Variants in TBCK observed in about 807,000 individuals in gnomAD.
TBCK encodes the protein TBC1 domain containing kinase, also known as TBC domain-containing protein kinase-like protein.
Under a neutral mutation model 113.4 loss-of-function variants are expected in TBCK, and 99 were observed. The ratio of observed to expected loss-of-function variants is 0.87; its 90% CI spans 0.74 to 1.03. TBCK has a LOEUF of 1.03. Among genes scored for constraint, TBCK ranks in the 50% least tolerant of loss-of-function variants. TBCK has a pLI of 0.00. For synonymous variants in TBCK, 369 were observed against 370.8 expected, an observed-to-expected ratio of 1.00 and a Z score of 0.05; for missense variants, 1,045 against 1,061.3, an observed-to-expected ratio of 0.98 and a Z score of 0.21.
At chr4:106,153,734 T>C (rs1748795560) in intron 23 of TBCK, among the ~76,000 whole-genome samples, 1 of 152,126 alleles carries the variant, frequency 6.6e-6, no homozygotes, top group Admixed American at 6.6e-5. Context: ...GGTACTCCAG[T>C]ACTGAATTCA....
chr4:106,170,775 T>G (rs1750894432), intron 23 of TBCK, among the ~76,000 whole-genome samples: 1 of 152,002 alleles, frequency 6.6e-6, no homozygotes, highest in Non-Finnish European at 1.5e-5. Flanking sequence ...ACAACTCTTT[T>G]TCTATTTTTT....
chr4:106,224,673 A>AGT (rs1313801331), intron 19 of TBCK, among the ~76,000 whole-genome samples: 4 of 152,162 alleles, frequency 2.6e-5, no homozygotes, highest in African/African-American at 9.6e-5. Context: ...ACCAATATAC[A>AGT]GTGTACTGTT....
At chr4:106,250,726 T>TGTAA (rs1037561032) in intron 6 of TBCK, among the ~76,000 whole-genome samples, 3 of 151,722 alleles carry the variant, frequency 2.0e-5, no homozygotes, top group African/African-American at 7.3e-5. Flanking sequence ...TCTAGTTTGA[T>TGTAA]GTAAGCATTG....
intron 25 of TBCK, among the ~76,000 whole-genome samples, chr4:106,080,823 C>T (rs11932523): frequency 0.39 from 59,672 of 151,656 alleles, 11,979 homozygotes; most frequent in South Asian, 0.47. Flanking sequence ...AAAACAAATT[C>T]ACAATTAAAA....
At chr4:106,113,790 C>A (rs28787305) in intron 24 of TBCK, among the ~76,000 whole-genome samples, 31,010 of 152,140 alleles carry the variant, frequency 0.2, 3,485 homozygotes, top group South Asian at 0.27. Flanking sequence ...GCTTTATTAA[C>A]CTTTTTAATT....
At chr4:106,118,679 G>A (rs796425758) in intron 23 of TBCK, among the ~76,000 whole-genome samples, 16 of 152,288 alleles carry the variant, frequency 1.1e-4, no homozygotes, top group African/African-American at 3.1e-4. Flanking sequence ...TGTGATGAAT[G>A]CGGCATTTCA....
At chr4:106,183,977 A>C (rs534555352) in intron 22 of TBCK, among the ~76,000 whole-genome samples, 1 of 152,162 alleles carries the variant, frequency 6.6e-6, no homozygotes, top group South Asian at 2.1e-4. Flanking sequence ...TTGAGGAAAA[A>C]AAGAGCCATT....
intron 23 of TBCK, among the ~76,000 whole-genome samples, chr4:106,136,303 T>C (rs1031056440): frequency 2.8e-5 from 4 of 141,222 alleles, no homozygotes; most frequent in African/African-American, 7.5e-5. Flanking sequence ...ACTACCTCTC[T>C]ACCTCCTTCT....
intron 23 of TBCK, among the ~76,000 whole-genome samples, chr4:106,127,767 A>G (rs1745400777): frequency 6.6e-6 from 1 of 152,286 alleles, no homozygotes; most frequent in Non-Finnish European, 1.5e-5. Context: ...TTTTCAAATG[A>G]TTACGCTGAA....
At chr4:106,088,863 A>T (rs1281161388) in intron 25 of TBCK, among the ~76,000 whole-genome samples, 1 of 152,166 alleles carries the variant, frequency 6.6e-6, no homozygotes, top group Non-Finnish European at 1.5e-5. Context: ...TCGCTCACAA[A>T]TGCGAGTTGA....
intron 23 of TBCK, among the ~76,000 whole-genome samples, chr4:106,133,837 C>A (rs1746241061): frequency 6.6e-6 from 1 of 152,052 alleles, no homozygotes; most frequent in Non-Finnish European, 1.5e-5. Flanking sequence ...ACATGAAACC[C>A]CATCTCTACC....
At chr4:106,217,899 C>T (rs1256162612) in intron 19 of TBCK, among the ~76,000 whole-genome samples, 1 of 145,576 alleles carries the variant, frequency 6.9e-6, no homozygotes, top group African/African-American at 2.5e-5. Context: ...AAAAAAGAGC[C>T]CGCATCGCCA....
chr4:106,228,770 T>C (rs551918605), intron 19 of TBCK, among the ~76,000 whole-genome samples: 2 of 152,176 alleles, frequency 1.3e-5, no homozygotes, highest in Middle Eastern at 3.4e-3. Flanking sequence ...AGCAGTAGGA[T>C]TGCTGGATCA....
At chr4:106,097,047 CTATT>C (rs1395547214) in intron 24 of TBCK, among the ~76,000 whole-genome samples, 10 of 152,062 alleles carry the variant, frequency 6.6e-5, no homozygotes, top group Non-Finnish European at 2.9e-5. Flanking sequence ...TCGATATCAC[CTATT>C]TATTATGTGC....
intron 3 of TBCK, among the ~76,000 whole-genome samples, chr4:106,274,912 A>G (rs986761635): frequency 6.6e-6 from 1 of 152,182 alleles, no homozygotes; most frequent in African/African-American, 2.4e-5. Context: ...TGAGAGGATC[A>G]CTTGAGCCCA....
intron 12 of TBCK, among the ~76,000 whole-genome samples, chr4:106,237,801 T>A (rs912022762): frequency 2.0e-5 from 3 of 152,092 alleles, no homozygotes; most frequent in African/African-American, 7.2e-5. Context: ...GGAAATAAAA[T>A]TTTCCCAAGT....
intron 25 of TBCK, among the ~76,000 whole-genome samples, chr4:106,080,181 T>C (rs1421192808): frequency 6.6e-6 from 1 of 151,980 alleles, no homozygotes; most frequent in African/African-American, 2.4e-5. Context: ...GAAAAAGCTA[T>C]TCTAAAGTTG....
chr4:106,127,569 C>A (rs1332042423), intron 23 of TBCK, among the ~76,000 whole-genome samples: 1 of 151,624 alleles, frequency 6.6e-6, no homozygotes, highest in Non-Finnish European at 1.5e-5. Context: ...AATATTGATC[C>A]AAATATTCCC....
intron 8 of TBCK, among the ~76,000 whole-genome samples, 197 bp downstream of exon 8, chr4:106,248,724 T>C (rs1391429558): frequency 6.6e-6 from 1 of 152,222 alleles, no homozygotes; most frequent in Non-Finnish European, 1.5e-5. Context: ...AGCTTGCCCT[T>C]CTGCCTTGTA....
Sources: allele counts gnomAD v4.1 joint callset (sites outside exome capture counted in the v4.1 genomes callset), GRCh38; gene constraint gnomAD v4.1.1; transcripts MANE v1.5; gene names NCBI Gene and HGNC (gene_info 2026-07-23, HGNC 2026-07-21).